The following SPAG16 variants were observed in gnomAD, a reference collection of about 807,000 sequenced individuals.
SPAG16 encodes sperm-associated antigen 16 protein.
In SPAG16, 86 loss-of-function variants were observed where a neutral mutation model predicts 80.4. The ratio of observed to expected loss-of-function variants is 1.07; its 90% confidence interval spans 0.90 to 1.28. The LOEUF is 1.28. Among genes scored for constraint, SPAG16 ranks in the 50% most tolerant of loss-of-function variants. SPAG16 has a pLI of 0.00. For synonymous variants in SPAG16, 294 were observed against 265.9 expected, an observed-to-expected ratio of 1.11 and a Z score of -1.03; for missense variants, 870 against 765.3, an observed-to-expected ratio of 1.14 and a Z score of -1.61.
intron 12 of SPAG16, among the ~76,000 whole-genome samples, chr2:214,009,117 A>G (rs1368309388): frequency 3.3e-5 from 5 of 152,148 alleles, no homozygotes; most frequent in African/African-American, 1.2e-4. Flanking sequence ...AATCTCTGCT[A>G]GACCTTGTGG....
intron 9 of SPAG16, among the ~76,000 whole-genome samples, chr2:213,387,179 T>C (rs180898871): frequency 1.3e-5 from 2 of 152,124 alleles, no homozygotes; most frequent in Admixed American, 1.3e-4. Flanking sequence ...TTCATTACTT[T>C]AATGACTCCT....
chr2:214,163,379 T>G (rs1395728825), intron 15 of SPAG16, among the ~76,000 whole-genome samples: 1 of 151,930 alleles, frequency 6.6e-6, no homozygotes, highest in Non-Finnish European at 1.5e-5. Flanking sequence ...CTCCCCAATC[T>G]GATATTTATA....
At chr2:213,482,526 G>T (rs2073797255) in intron 9 of SPAG16, among the ~76,000 whole-genome samples, 1 of 152,058 alleles carries the variant, frequency 6.6e-6, no homozygotes, top group South Asian at 2.1e-4. Context: ...ATGGTATAAT[G>T]ATTCTTCTAA....
intron 10 of SPAG16, among the ~76,000 whole-genome samples, chr2:213,531,431 C>T (rs7588629): frequency 0.079 from 11,679 of 148,346 alleles, 1,114 homozygotes; most frequent in African/African-American, 0.23. Flanking sequence ...TGTTAGGCTG[C>T]CTGCACTCAG....
In SPAG16 at chr2:213,491,493, C is replaced by T. The variant is rs902563044; in HGVS notation, c.1070+1403C>T. Among the ~76,000 whole-genome samples, 9 of 152,186 alleles carry T rather than the reference C, an allele frequency of 5.9e-5. 1 individual carries two copies. Among genetic ancestry groups the T allele is most frequent in the African/African-American group, 2.2e-4 (9 of 41,434 alleles). ...AATGTTTATACTACAATAACAAACA[C>T]AACTGGCTTATAAACAGGTTTAGGA... is the stretch of plus-strand genomic sequence containing the variant. On this transcript the variant is annotated intron_variant, in intron 10 of 15. Coordinates refer to ENST00000331683, the MANE Select transcript of SPAG16 (RefSeq NM_024532.5).
chr2:214,253,389 C>T (rs1690445780), intron 15 of SPAG16, among the ~76,000 whole-genome samples: 1 of 152,128 alleles, frequency 6.6e-6, no homozygotes. Flanking sequence ...ATGCCTATGT[C>T]CTGAATGGTA....
chr2:214,388,057 A>G lies in SPAG16; in HGVS notation c.1721-22083A>G, dbSNP rs185637510. ...CATAAAATGCTAAAATTATCCTAGT[A>G]CATATTTTTTAATGTATTTGATACA... On this transcript the variant is annotated intron_variant, in intron 15 of 15. Transcript: ENST00000331683. 1.4e-4 allele frequency among the ~76,000 whole-genome samples: 22 copies of G among 152,284 alleles called. No individual in the cohort carries two copies. In the East Asian group the frequency reaches 4.2e-3, roughly 29 times the overall value.
intron 1 of SPAG16, among the ~76,000 whole-genome samples, chr2:213,289,832 T>G (rs918040904): frequency 1.9e-4 from 29 of 152,208 alleles, no homozygotes; most frequent in African/African-American, 7.0e-4. Flanking sequence ...CTCCAGTTCT[T>G]CATAAAGATG....
At chr2:213,955,804 A>G (rs1226005288) in intron 12 of SPAG16, among the ~76,000 whole-genome samples, 3 of 152,012 alleles carry the variant, frequency 2.0e-5, no homozygotes, top group East Asian at 3.9e-4. Context: ...ACTTTTTTAT[A>G]ATCATTGTTA....
At chr2:214,305,273 AC>A (rs1448408991) in intron 15 of SPAG16, among the ~76,000 whole-genome samples, 2 of 151,918 alleles carry the variant, frequency 1.3e-5, no homozygotes, top group East Asian at 3.9e-4. Context: ...TTGTTATTAG[AC>A]CTTTGTCAGA....
At chr2:213,668,248 T>C (rs2063683691) in intron 10 of SPAG16, among the ~76,000 whole-genome samples, 1 of 151,992 alleles carries the variant, frequency 6.6e-6, no homozygotes, top group Non-Finnish European at 1.5e-5. Context: ...CAAAATTCTA[T>C]TTTTTAAAAA....
In SPAG16 at chr2:213,485,365, G is replaced by C. The variant is rs76246202; in HGVS notation, c.943-4598G>C. The stretch of plus-strand genomic sequence containing the variant: ...AACTTACTAATTTTATAATTTGTCA[G>C]ATGTAATCAGCCATCATAATATGGT... On this transcript the variant is annotated intron_variant, in intron 9 of 15. Transcript: ENST00000331683. Among the ~76,000 whole-genome samples the C allele has an allele frequency of 9.9e-5, 15 of 152,204 alleles. No individual in the cohort carries two copies. In the East Asian group the frequency reaches 2.9e-3, roughly 29 times the overall value.
intron 13 of SPAG16, among the ~76,000 whole-genome samples, chr2:214,029,918 C>A (rs1227171752): frequency 1.3e-5 from 2 of 151,972 alleles, no homozygotes; most frequent in Non-Finnish European, 2.9e-5. Flanking sequence ...ATAATATCAC[C>A]ACAATCAAGG....
chr2:213,353,780 T>A (rs187846266), intron 7 of SPAG16, among the ~76,000 whole-genome samples: 1 of 152,322 alleles, frequency 6.6e-6, no homozygotes, highest in Admixed American at 6.5e-5. Flanking sequence ...ATGCTCTATG[T>A]CCTCATTTGT....
intron 15 of SPAG16, among the ~76,000 whole-genome samples, chr2:214,242,909 A>G (rs1689593461): frequency 6.6e-6 from 1 of 152,262 alleles, no homozygotes; most frequent in South Asian, 2.1e-4. Flanking sequence ...TATCCTGTTG[A>G]TAAAATAAAA....
intron 3 of SPAG16, among the ~76,000 whole-genome samples, chr2:213,306,137 T>C (rs1202334896): frequency 6.6e-6 from 1 of 151,944 alleles, no homozygotes; most frequent in African/African-American, 2.4e-5. Context: ...AGTTGCTCAT[T>C]GTAGCCTCCA....
intron 11 of SPAG16, among the ~76,000 whole-genome samples, chr2:213,899,249 G>A (rs964151421): frequency 1.3e-5 from 2 of 152,072 alleles, no homozygotes; most frequent in Non-Finnish European, 2.9e-5. Flanking sequence ...GTCTTTGTAG[G>A]ACATGATAGC....
intron 12 of SPAG16, among the ~76,000 whole-genome samples, chr2:213,998,469 T>G (rs1325255118): frequency 5.9e-5 from 9 of 152,252 alleles, no homozygotes; most frequent in Admixed American, 2.0e-4. Flanking sequence ...CCTGCCATGA[T>G]TCTGAGGCCT....
intron 10 of SPAG16, among the ~76,000 whole-genome samples, chr2:213,861,486 A>G (rs930204457): frequency 2.0e-5 from 3 of 152,172 alleles, no homozygotes; most frequent in Non-Finnish European, 2.9e-5. Context: ...GCTGTTTTTT[A>G]AATCATCATA....
Sources: allele counts gnomAD v4.1 joint callset (sites outside exome capture counted in the v4.1 genomes callset), GRCh38; gene constraint gnomAD v4.1.1; transcripts MANE v1.5; gene names NCBI Gene and HGNC (gene_info 2026-07-23, HGNC 2026-07-21).